Variants in PRKN observed in about 807,000 individuals in gnomAD.
The protein encoded by PRKN is E3 ubiquitin-protein ligase parkin.
PRKN carries 56 observed loss-of-function variants against 59.5 expected under a neutral mutation model. The ratio of observed to expected loss-of-function variants is 0.94; its 90% confidence interval spans 0.76 to 1.18. The LOEUF is 1.18. PRKN is among the 50% of genes most tolerant of loss of function. PRKN has a pLI of 0.00. For synonymous variants in PRKN, 250 were observed against 222.1 expected (o/e 1.13, Z -1.12); for missense variants, 657 against 596.4 (o/e 1.10, Z -1.06).
At chr6:162,279,742 T>C (rs1780803350) in intron 2 of PRKN, among the ~76,000 whole-genome samples, 1 of 152,198 alleles carries the variant, frequency 6.6e-6, no homozygotes, top group Non-Finnish European at 1.5e-5. Context: ...ATTTTCTGCC[T>C]CATTGGTCTG....
At chr6:161,784,435 ACAACT>A (rs1161930238) in intron 7 of PRKN, among the ~76,000 whole-genome samples, 1 of 152,248 alleles carries the variant, frequency 6.6e-6, no homozygotes, top group Admixed American at 6.5e-5. Flanking sequence ...AAGAACTCTT[ACAACT>A]CAACAACAAA....
At chr6:162,075,415 TGTAGTATA>T (rs1778780631) in intron 4 of PRKN, among the ~76,000 whole-genome samples, 2 of 151,514 alleles carry the variant, frequency 1.3e-5, no homozygotes, top group East Asian at 3.8e-4. Flanking sequence ...CATTTTGGTG[TGTAGTATA>T]GTACTCTAAC....
chr6:161,613,163 T>C (rs1782551073), intron 7 of PRKN, among the ~76,000 whole-genome samples: 1 of 152,150 alleles, frequency 6.6e-6, no homozygotes, highest in Non-Finnish European at 1.5e-5. Flanking sequence ...AATATCAACA[T>C]AACAGGAGTT....
At chr6:162,414,793 G>A (rs542683250) in intron 2 of PRKN, among the ~76,000 whole-genome samples, 33 of 149,430 alleles carry the variant, frequency 2.2e-4, no homozygotes, top group African/African-American at 7.9e-4. Context: ...AATGGAAAGT[G>A]TAAAGATGAC....
In PRKN at chr6:161,885,435, C is replaced by A. The variant is rs1026259478; in HGVS notation, c.734+87867G>T. Among the ~76,000 whole-genome samples, 3 of 152,146 alleles carry A rather than the reference C, an allele frequency of 2.0e-5. No individual in the cohort carries two copies. In the East Asian group the frequency reaches 5.8e-4, roughly 29 times the overall value. On this transcript the variant is annotated intron_variant, in intron 6 of 11. Transcript: ENST00000366898. Reference sequence around the variant, plus strand: ...ATCCCAGCACTTTGGGAGGCCGAGGCGGGCAGATCACGAGGTCAGGAGATA... The same window carrying A: ...ATCCCAGCACTTTGGGAGGCCGAGGAGGGCAGATCACGAGGTCAGGAGATA...
intron 1 of PRKN, among the ~76,000 whole-genome samples, chr6:162,523,988 T>G (rs1778177382): frequency 6.6e-6 from 1 of 152,202 alleles, no homozygotes; most frequent in Non-Finnish European, 1.5e-5. Context: ...ATACGGGCTT[T>G]GCTGGTGACC....
At chr6:161,857,402 T>A (rs1444472700) in intron 6 of PRKN, among the ~76,000 whole-genome samples, 1 of 152,194 alleles carries the variant, frequency 6.6e-6, no homozygotes, top group Non-Finnish European at 1.5e-5. Flanking sequence ...CTGCATTTGG[T>A]GCATGGATCC....
intron 7 of PRKN, among the ~76,000 whole-genome samples, chr6:161,605,261 A>C (rs1205409889): frequency 1.3e-5 from 2 of 152,108 alleles, no homozygotes; most frequent in African/African-American, 4.8e-5. Flanking sequence ...ATAACAGTTC[A>C]CATTCTTTTG....
At chr6:162,184,971 G>A (rs1002146309) in intron 4 of PRKN, among the ~76,000 whole-genome samples, 3 of 151,628 alleles carry the variant, frequency 2.0e-5, no homozygotes, top group South Asian at 4.2e-4. Flanking sequence ...AATAAGGGTG[G>A]GGGGGTGCTC....
At position 161,831,782 on chromosome 6, in the gene PRKN, T is replaced by C. The variant is rs80207038; in HGVS notation, c.735-45874A>G. Among the ~76,000 whole-genome samples the C allele has an allele frequency of 9.5e-3, 1,361 of 143,264 alleles. 28 individuals carry two copies. Among genetic ancestry groups the C allele is most frequent in the African/African-American group, 0.035 (1,295 of 37,034 alleles). The allele number at this position is 143,264 out of a possible 152,430, so 94.0% of individuals were successfully genotyped here. On this transcript the variant is annotated intron_variant, in intron 6 of 11. Coordinates refer to ENST00000366898, the MANE Select transcript of PRKN (RefSeq NM_004562.3). Reference sequence around the variant, plus strand: ...TTCAGAATCCAGAAAAAATAAGAGGTTCAGGGAGGGAAACAGGGAGAGGAG... The same window carrying C: ...TTCAGAATCCAGAAAAAATAAGAGGCTCAGGGAGGGAAACAGGGAGAGGAG...
At chr6:162,685,897 G>A (rs796256807) in intron 1 of PRKN, among the ~76,000 whole-genome samples, 6 of 152,062 alleles carry the variant, frequency 3.9e-5, no homozygotes, top group African/African-American at 1.4e-4. Flanking sequence ...GTCTCTCTTC[G>A]CCCATCATTA....
In PRKN at chr6:161,349,052, G is replaced by T. The variant is rs1409743533; in HGVS notation, c.*1047C>A. 9.2e-6 allele frequency: 2 copies of T among 216,680 alleles called. No homozygotes were observed. Among genetic ancestry groups the T allele is most frequent in the Non-Finnish European group, 1.9e-5 (2 of 107,678 alleles). 13.4% of individuals were successfully genotyped at this position (216,680 alleles called of 1,614,324 possible). On this transcript the variant is annotated 3_prime_UTR_variant, in exon 12 of 12. Transcript: ENST00000366898. The surrounding 1 kb of genome is among the most constrained non-coding windows in gnomAD (Gnocchi z 5.5). ...TGGACAGAGAGGGTGTGCCAAAGGG[G>T]TATAAACCCTTCTGATGGAGAGAGT...
intron 1 of PRKN, among the ~76,000 whole-genome samples, chr6:162,638,934 C>T (rs759795976): frequency 2.6e-5 from 4 of 151,728 alleles, no homozygotes; most frequent in African/African-American, 7.3e-5. Context: ...TTAGTAGAGA[C>T]GGGGTTTCAC....
chr6:161,455,615 C>T (rs1371682896), intron 9 of PRKN, among the ~76,000 whole-genome samples: 1 of 152,076 alleles, frequency 6.6e-6, no homozygotes, highest in South Asian at 2.1e-4. Context: ...CCTGTAATCC[C>T]AGCACTTTGG....
chr6:162,335,510 G>A (rs1244699210), intron 2 of PRKN, among the ~76,000 whole-genome samples: 2 of 152,110 alleles, frequency 1.3e-5, no homozygotes, highest in Non-Finnish European at 2.9e-5. Flanking sequence ...ATCTCTGAGG[G>A]TGTGCCTGTA....
At chr6:161,628,814 G>A (rs557833537) in intron 7 of PRKN, among the ~76,000 whole-genome samples, 1 of 152,204 alleles carries the variant, frequency 6.6e-6, no homozygotes, top group Non-Finnish European at 1.5e-5. Context: ...GGGATGTAGA[G>A]GCGCGTAATA....
intron 1 of PRKN, among the ~76,000 whole-genome samples, chr6:162,694,063 C>T (rs1029059510): frequency 9.9e-5 from 15 of 151,836 alleles, no homozygotes; most frequent in South Asian, 4.2e-4. Context: ...CTGGCTAACA[C>T]GGTGAAACCC....
intron 5 of PRKN, 78 bp downstream of exon 5, chr6:162,054,013 G>T: frequency 1.1e-6 from 1 of 937,582 alleles, no homozygotes; most frequent in Non-Finnish European, 1.8e-6. Flanking sequence ...TTGACATTTT[G>T]TCTCTAATTT....
In PRKN at chr6:161,795,413, T is replaced by C. The variant is rs185684121; in HGVS notation, c.735-9505A>G. Among the ~76,000 whole-genome samples the C allele has an allele frequency of 2.9e-4, 44 of 151,826 alleles. No homozygotes were observed. The East Asian group carries it at 8.4e-3, about 29-fold the overall frequency. On this transcript the variant is annotated intron_variant, in intron 6 of 11. Transcript: ENST00000366898. ...ATGCCTGGCTAATCTTTCCTATTTTTGGTAGAGATGGGGTCTCGCCATGTT... is the reference window on the plus strand; with the variant it reads ...ATGCCTGGCTAATCTTTCCTATTTTCGGTAGAGATGGGGTCTCGCCATGTT...
Sources: gnomAD v4.1 joint callset for allele counts (sites outside exome capture counted in the v4.1 genomes callset) on GRCh38, gnomAD v4.1.1 for gene constraint, Gnocchi (gnomAD v3.1) non-coding constraint, MANE v1.5 for transcripts, NCBI Gene and HGNC (gene_info 2026-07-23, HGNC 2026-07-21) for gene names.